Variants in NCKAP5 observed in about 807,000 individuals in gnomAD.
NCKAP5 encodes the protein NCK associated protein 5.
Under a neutral mutation model 167.0 loss-of-function variants are expected in NCKAP5, and 92 were observed. That is an observed-to-expected ratio of 0.55 (90% CI 0.47 to 0.66). NCKAP5 has a LOEUF of 0.66. NCKAP5 is among the 30% of genes least tolerant of loss of function. The pLI, the probability that NCKAP5 is intolerant of heterozygous loss-of-function variation, is 0.00. For synonymous variants in NCKAP5, 891 were observed against 877.4 expected (o/e 1.02, Z -0.27); for missense variants, 2,378 against 2,315.0 (o/e 1.03, Z -0.56).
intron 6 of NCKAP5, among the ~76,000 whole-genome samples, chr2:133,038,447 T>C (rs768356958): frequency 7.9e-5 from 12 of 151,788 alleles, no homozygotes; most frequent in Non-Finnish European, 1.6e-4. Context: ...ACATAGAGAG[T>C]AGAAGAATGA....
intron 7 of NCKAP5, among the ~76,000 whole-genome samples, chr2:132,992,960 CTTAAGG>C (rs1442101218): frequency 6.6e-6 from 1 of 152,182 alleles, no homozygotes; most frequent in Non-Finnish European, 1.5e-5. Flanking sequence ...AGCCTCGCCT[CTTAAGG>C]TTAACTGTGG....
chr2:133,466,711 G>A (rs1692622170), intron 3 of NCKAP5, among the ~76,000 whole-genome samples: 2 of 152,104 alleles, frequency 1.3e-5, no homozygotes, highest in South Asian at 2.1e-4. Context: ...AATTCTCCTG[G>A]AAGAAGTCCT....
intron 7 of NCKAP5, among the ~76,000 whole-genome samples, chr2:132,967,457 G>C (rs1288126274): frequency 1.3e-5 from 2 of 152,148 alleles, no homozygotes; most frequent in Non-Finnish European, 2.9e-5. Context: ...TCGGTGTTTG[G>C]TGAAAGAGAA....
rs550455574 is a variant in NCKAP5, at chr2:133,361,046, A to G, written c.70-57936T>C. ...CAAGGACCTATGCTGGTGACTGGAG[A>G]ATCTTACTGAGGTCTTTAGAGGAAG... is the stretch of plus-strand genomic sequence containing the variant. On this transcript the variant is annotated intron_variant, in intron 3 of 19. Transcript: ENST00000409261. Among the ~76,000 whole-genome samples, 27 of 149,884 alleles carry G rather than the reference A, an allele frequency of 1.8e-4. No homozygotes were observed. In the East Asian group the frequency reaches 4.5e-3, roughly 25 times the overall value.
At chr2:133,218,906 G>A (rs2086542654) in intron 4 of NCKAP5, among the ~76,000 whole-genome samples, 1 of 152,012 alleles carries the variant, frequency 6.6e-6, no homozygotes, top group Non-Finnish European at 1.5e-5. Flanking sequence ...AAACCATAAT[G>A]GTTTTAGTCA....
chr2:132,795,439 G>C (rs1482822652), intron 12 of NCKAP5, among the ~76,000 whole-genome samples: 1 of 152,088 alleles, frequency 6.6e-6, no homozygotes, highest in African/African-American at 2.4e-5. Context: ...GTTTATTTTA[G>C]ATTACTACCC....
At chr2:133,520,699 A>G (rs1684401774) in intron 2 of NCKAP5, among the ~76,000 whole-genome samples, 1 of 152,222 alleles carries the variant, frequency 6.6e-6, no homozygotes, top group Non-Finnish European at 1.5e-5. Flanking sequence ...TAGTTCTCAA[A>G]TAGTCCAATC....
chr2:132,684,181 A>G (rs1039317774), intron 19 of NCKAP5, among the ~76,000 whole-genome samples: 1 of 152,244 alleles, frequency 6.6e-6, no homozygotes, highest in Non-Finnish European at 1.5e-5. Context: ...TTAATGTAGA[A>G]GTGAAAGGTG....
chr2:133,297,039 T>C (rs1680009081), intron 4 of NCKAP5, among the ~76,000 whole-genome samples: 1 of 152,164 alleles, frequency 6.6e-6, no homozygotes, highest in Non-Finnish European at 1.5e-5. Flanking sequence ...TTTAGCCAAA[T>C]CAGAAATAGC....
At chr2:133,229,160 C>A (rs2087026393) in intron 4 of NCKAP5, among the ~76,000 whole-genome samples, 2 of 152,090 alleles carry the variant, frequency 1.3e-5, no homozygotes, top group Non-Finnish European at 2.9e-5. Flanking sequence ...GGGCAAACAA[C>A]AGGAAATGTT....
At chr2:132,754,573 C>T (rs985285652) in intron 16 of NCKAP5, among the ~76,000 whole-genome samples, 8 of 152,238 alleles carry the variant, frequency 5.3e-5, no homozygotes, top group African/African-American at 1.9e-4. Context: ...ATGCAAATCA[C>T]TCCCTGAAGA....
chr2:133,593,727 A>G, the NCKAP5 span, among the ~76,000 whole-genome samples: 1 of 152,228 alleles, frequency 6.6e-6, no homozygotes, highest in South Asian at 2.1e-4. Flanking sequence ...CAGGCATGCA[A>G]TGCATAAGAA....
In NCKAP5 at chr2:133,258,962, T is replaced by C. The variant is rs116224089; in HGVS notation, c.143+44075A>G. On this transcript the variant is annotated intron_variant, in intron 4 of 19. Transcript: ENST00000409261. ...AGAACTAGCCTTCCAGAAAGAGGGG[T>C]CTTGGGAAATGCTGGCCCAAAAGGT... 1.7e-3 allele frequency among the ~76,000 whole-genome samples: 264 copies of C among 152,048 alleles called. 1 individual carries two copies. Among genetic ancestry groups the C allele is most frequent in the African/African-American group, 6.1e-3 (252 of 41,478 alleles).
intron 3 of NCKAP5, among the ~76,000 whole-genome samples, chr2:133,465,617 T>A (rs904449257): frequency 2.0e-5 from 3 of 152,176 alleles, no homozygotes; most frequent in African/African-American, 2.4e-5. Context: ...TAGTTTACAG[T>A]CCCACCAACA....
At chr2:133,567,379 A>G (rs1688627303) in intron 1 of NCKAP5, among the ~76,000 whole-genome samples, 2 of 152,188 alleles carry the variant, frequency 1.3e-5, no homozygotes, top group African/African-American at 4.8e-5. Context: ...GGCGGCATAC[A>G]TGAAGCTCAC....
intron 6 of NCKAP5, among the ~76,000 whole-genome samples, chr2:133,054,675 A>G (rs960376440): frequency 6.6e-6 from 1 of 152,234 alleles, no homozygotes; most frequent in South Asian, 2.1e-4. Flanking sequence ...TAGTGGGGTT[A>G]GAAATACTAA....
chr2:133,638,998 G>T, the NCKAP5 span, among the ~76,000 whole-genome samples: 7 of 151,778 alleles, frequency 4.6e-5, no homozygotes, highest in Non-Finnish European at 1.0e-4. Flanking sequence ...TAATTAAACA[G>T]AAAAAATAAG....
chr2:132,710,350 G>A (rs1397466856), intron 19 of NCKAP5, among the ~76,000 whole-genome samples: 1 of 152,182 alleles, frequency 6.6e-6, no homozygotes, highest in East Asian at 1.9e-4. Context: ...AATCAAGAAT[G>A]TCTATCACCA....
chr2:133,205,779 AT>A (rs2085922932), intron 5 of NCKAP5, among the ~76,000 whole-genome samples: 1 of 152,150 alleles, frequency 6.6e-6, no homozygotes, highest in South Asian at 2.1e-4. Context: ...CTCTTTTTAT[AT>A]CCATTAATAA....
Sources: allele counts gnomAD v4.1 joint callset (sites outside exome capture counted in the v4.1 genomes callset), GRCh38; gene constraint gnomAD v4.1.1; transcripts MANE v1.5; gene names NCBI Gene and HGNC (gene_info 2026-07-23, HGNC 2026-07-21).